The following MAP7D1 variants were observed in gnomAD, a reference collection of about 807,000 sequenced individuals.
The protein encoded by MAP7D1 is MAP7 domain-containing protein 1.
Under a neutral mutation model 97.5 loss-of-function variants are expected in MAP7D1, and 30 were observed. That is an observed-to-expected ratio of 0.31 (90% CI 0.23 to 0.42). MAP7D1 has a LOEUF of 0.42. Among genes scored for constraint, MAP7D1 ranks in the 10% least tolerant of loss-of-function variants. The pLI is 1.00. For missense variants in MAP7D1, 1,184 were observed against 1,179.5 expected, an observed-to-expected ratio of 1.00 and a Z score of -0.06; for synonymous variants, 536 against 477.1, an observed-to-expected ratio of 1.12 and a Z score of -1.61.
chr1:36,157,673 C>T (rs1247827578), intron 1 of MAP7D1, among the ~76,000 whole-genome samples: 1 of 152,222 alleles, frequency 6.6e-6, no homozygotes, highest in African/African-American at 2.4e-5. Flanking sequence ...CCTGTCACCT[C>T]CCTGCCCCTT....
chr1:36,172,515 G>T lies in MAP7D1; in HGVS notation c.512G>T (p.Arg171Leu), dbSNP rs140127558. ...LEKEEKAKAL[R>L]EKQLQERRRR... is the part of the protein sequence containing the mutation. ...AAGGAGGAGAAGGCCAAGGCGCTGC[G>T]GGAGAAGCAGCTCCAGGAGCGCCGG... is the stretch of plus-strand genomic sequence containing the variant. The change falls in exon 4 of 17, where the codon CGG becomes CTG. Residue 171 changes from arginine to leucine, a missense_variant. Transcript: ENST00000474796. The T allele has an allele frequency of 6.2e-7, 1 of 1,602,542 alleles. No individual in the cohort carries two copies.
chr1:36,179,002 C>A lies in MAP7D1; in HGVS notation c.2107C>A (p.Gln703Lys). ...EREKHFQQQEQERQERRKRLE... is the reference protein window; with the variant it reads ...EREKHFQQQEKERQERRKRLE... ...GGAAAAGCACTTCCAGCAGCAGGAG[C>A]AAGAGCGGCAAGAGCGCAGAAAGGT... is the stretch of plus-strand genomic sequence containing the variant. The change falls in exon 12 of 17, where the codon CAA becomes AAA. Residue 703 changes from glutamine to lysine, a missense_variant. Coordinates refer to ENST00000474796, the MANE Select transcript of MAP7D1 (RefSeq NM_001388490.1). 6.8e-7 allele frequency: 1 copy of A among 1,469,196 alleles called. No individual in the cohort carries two copies. Among genetic ancestry groups the A allele is most frequent in the Non-Finnish European group, 9.1e-7 (1 of 1,098,206 alleles). The allele number at this position is 1,469,196 out of a possible 1,614,324, so 91.0% of individuals were successfully genotyped here. A position where few individuals can be genotyped will look rare whatever the true frequency, so the allele number is the denominator to read the frequency against.
chr1:36,177,983 C>T lies in MAP7D1; in HGVS notation c.1490C>T (p.Pro497Leu). Residue 497 changes from proline to leucine, a missense_variant, in exon 9 of 17, where the codon CCC becomes CTC. Pro to Leu is a moderately conservative substitution (Grantham distance 98). Transcript: ENST00000474796. ...GHTLPPKPPS[P>L]RGTTASPKGR... is the part of the protein sequence containing the mutation. ...ACTCTGCCTCCAAAGCCACCGTCCC[C>T]CCGAGGCACCACTGCATCCCCCAAG... 2.5e-6 allele frequency: 4 copies of T among 1,610,662 alleles called. No homozygotes were observed. The highest frequency in any genetic ancestry group is 3.4e-6 in the Non-Finnish European group (4 of 1,177,570).
chr1:36,163,727 G>T (rs760811756), intron 1 of MAP7D1, among the ~76,000 whole-genome samples: 13 of 151,714 alleles, frequency 8.6e-5, no homozygotes, highest in Non-Finnish European at 1.6e-4. Context: ...CCAGGAAGCT[G>T]CCCAAACACT....
intron 1 of MAP7D1, among the ~76,000 whole-genome samples, chr1:36,170,330 C>G (rs974391284): frequency 6.6e-6 from 1 of 152,224 alleles, no homozygotes; most frequent in Admixed American, 6.5e-5. Context: ...TAGCTTGTTG[C>G]CAATGGAATC....
At chr1:36,179,065 G>C in intron 12 of MAP7D1, 40 bp downstream of exon 12, 1 of 1,432,166 alleles carries the variant, frequency 7.0e-7, no homozygotes, top group Non-Finnish European at 9.6e-7. Flanking sequence ...CGGGGCCTGG[G>C]CAGGGCGGGC....
chr1:36,172,181 G>GC (rs149593018), intron 3 of MAP7D1: 5 of 276,746 alleles, frequency 1.8e-5, no homozygotes, highest in Non-Finnish European at 2.7e-5. Context: ...TGTCTGGTAG[G>GC]CCCCCCAGGT....
rs543521561 is a variant in MAP7D1 at position 36,176,829 on chromosome 1, G to A, written c.1366G>A (p.Ala456Thr). Residue 456 changes from alanine to threonine, a missense_variant, in exon 8 of 17, where the codon GCC (alanine) becomes ACC (threonine). By Grantham distance (58) the Ala-to-Thr change is moderately conservative. Transcript: ENST00000474796. This position sits in a 1 kb window ranked among gnomAD's most constrained non-coding sequence, Gnocchi z 6.1. ...ACGTGCCCGCCTCTCTGCCAGCACC[G>A]CCTCTGAGCTCAGGTGGGCGCGGGC... Reference protein sequence around the residue: ...SPRARLSASTASELSPKSKAR... With the variant: ...SPRARLSASTTSELSPKSKAR... 112 of 1,599,384 alleles carry A rather than the reference G, an allele frequency of 7.0e-5. No homozygotes were observed. The Admixed American group carries it at 1.8e-3, about 26-fold the overall frequency.
Position 36,179,538 on chromosome 1 carries a change from C to A in MAP7D1, c.2208C>A (p.Asn736Lys), listed in dbSNP as rs755526568. Residue 736 changes from asparagine (N) to lysine (K), a missense_variant, in exon 14 of 17, where the codon AAC (asparagine) becomes AAA (lysine). Transcript: ENST00000474796. ...AGAAGCAGGACAGCAAGGAGGCCAA[C>A]GCCAACGGTTCCAGCCCAGGTAAAG... ...ETKKQDSKEA[N>K]ANGSSPEPVK... is the part of the protein sequence containing the mutation. 2 of 1,575,188 alleles carry A rather than the reference C, an allele frequency of 1.3e-6. No homozygotes were observed. The highest frequency in any genetic ancestry group is 1.7e-6 in the Non-Finnish European group (2 of 1,159,296).
chr1:36,156,585 A>T (rs2124189892), intron 1 of MAP7D1, 122 bp downstream of exon 1: 1 of 754,354 alleles, frequency 1.3e-6, no homozygotes, highest in East Asian at 3.4e-5. Context: ...ACCACTTGGA[A>T]GTTTAAAAAT....
In MAP7D1 at chr1:36,171,087, A is replaced by G; in HGVS notation, c.163A>G (p.Met55Val). Reference protein sequence around the residue: ...PDTPPDTPPAMKNATSSKQLP... With the variant: ...PDTPPDTPPAVKNATSSKQLP... ...CACTCCCCCGGACACCCCTCCTGCCATGAAGAATGCCACTAGCTCTAAGCA... is the reference window on the plus strand; with the variant it reads ...CACTCCCCCGGACACCCCTCCTGCCGTGAAGAATGCCACTAGCTCTAAGCA... The change falls in exon 2 of 17, where the codon ATG becomes GTG. Residue 55 changes from methionine (M) to valine (V), a missense_variant. Physicochemically the swap from Met to Val is conservative, Grantham distance 21. Coordinates refer to ENST00000474796, the MANE Select transcript of MAP7D1 (RefSeq NM_001388490.1). The G allele has an allele frequency of 7.1e-7, 1 of 1,417,754 alleles. No individual in the cohort carries two copies. The allele number at this position is 1,417,754 out of a possible 1,614,324, so 87.8% of individuals were successfully genotyped here. A position where few individuals can be genotyped will look rare whatever the true frequency, so the allele number is the denominator to read the frequency against.
In MAP7D1 at chr1:36,176,320, G is replaced by C. The variant is rs1409988807; in HGVS notation, c.972G>C (p.Gln324His). Residue 324 changes from glutamine to histidine, a missense_variant, in exon 7 of 17, where the codon CAG (glutamine) becomes CAC (histidine). Gln to His is a conservative substitution (Grantham distance 24, BLOSUM62 0). Coordinates refer to ENST00000474796, the MANE Select transcript of MAP7D1 (RefSeq NM_001388490.1). This position sits in a 1 kb window ranked among gnomAD's most constrained non-coding sequence, Gnocchi z 6.1. ...AVTLPRNGRD[Q>H]GRGCDPGRGP... ...CACTGCCCCGCAACGGCCGGGACCA[G>C]GGTAGGGGCTGCGACCCTGGGAGAG... 1.3e-6 allele frequency: 2 copies of C among 1,548,978 alleles called. No individual in the cohort carries two copies. The highest frequency in any genetic ancestry group is 3.9e-5 in the Admixed American group (2 of 51,572).
In MAP7D1 at chr1:36,158,236, A is replaced by G. The variant is rs573419403; in HGVS notation, c.46+1773A>G. ...GCATTGAGAGGACTCTTCTATACAC[A>G]GGGATCTAGATGGAGTCACATGAGA... On this transcript the variant is annotated intron_variant, in intron 1 of 16. Transcript: ENST00000474796. Among the ~76,000 whole-genome samples, 11 of 152,154 alleles carry G rather than the reference A, an allele frequency of 7.2e-5. No individual in the cohort carries two copies. In the South Asian group the frequency reaches 2.1e-3, roughly 29 times the overall value.
Position 36,180,597 on chromosome 1 carries a change from T to G in MAP7D1, c.*339T>G. 5.4e-6 allele frequency: 2 copies of G among 371,146 alleles called. No homozygotes were observed. The highest frequency in any genetic ancestry group is 6.2e-5 in the East Asian group (1 of 16,090). 23.0% of individuals were successfully genotyped at this position (371,146 alleles called of 1,614,324 possible). On this transcript the variant is annotated 3_prime_UTR_variant, in exon 17 of 17. Coordinates refer to ENST00000474796, the MANE Select transcript of MAP7D1 (RefSeq NM_001388490.1). ...GTACAGTGGATGTGAATACTGTAAA[T>G]AGCTTGTGCTCAGACTCCTCTGCGT...
chr1:36,164,949 C>T (rs1427651608), intron 1 of MAP7D1, among the ~76,000 whole-genome samples: 1 of 152,092 alleles, frequency 6.6e-6, no homozygotes, highest in Admixed American at 6.5e-5. Flanking sequence ...CTCTGTTGGC[C>T]CTAGAGATAG....
In MAP7D1 at chr1:36,180,455, CGTGT is replaced by C. The variant is rs1292445040; in HGVS notation, c.*199_*202del. On this transcript the variant is annotated 3_prime_UTR_variant, in exon 17 of 17. Coordinates refer to ENST00000474796, the MANE Select transcript of MAP7D1 (RefSeq NM_001388490.1). Reference sequence around the variant, plus strand: ...AGCCAGATCTGCCCCTCAGTGCATTCGTGTGCTCGCACGCGCAGACATCCCTTCT... The same window carrying C: ...AGCCAGATCTGCCCCTCAGTGCATTCGCTCGCACGCGCAGACATCCCTTCT... The C allele has an allele frequency of 1.4e-6, 1 of 690,104 alleles. No individual in the cohort carries two copies. Among genetic ancestry groups the C allele is most frequent in the African/African-American group, 1.8e-5 (1 of 55,952 alleles). The allele number at this position is 690,104 out of a possible 1,614,324, so 42.7% of individuals were successfully genotyped here.
chr1:36,162,753 G>A (rs1295831383), intron 1 of MAP7D1, among the ~76,000 whole-genome samples: 1 of 152,102 alleles, frequency 6.6e-6, no homozygotes, highest in Admixed American at 6.5e-5. Flanking sequence ...CTAAGCTTTG[G>A]AGCAGCTTGA....
At position 36,176,602 on chromosome 1, in the gene MAP7D1, G is replaced by T; in HGVS notation, c.1233+21G>T. On this transcript the variant is annotated intron_variant, in intron 7 of 16. Transcript: ENST00000474796. The surrounding 1 kb of genome is among the most constrained non-coding windows in gnomAD (Gnocchi z 6.1). ...CGCCGGTGAGTGGCTCTACTGGCTCGAGTGGCCGCGCAGGTGGGGACAGGC... is the reference window on the plus strand; with the variant it reads ...CGCCGGTGAGTGGCTCTACTGGCTCTAGTGGCCGCGCAGGTGGGGACAGGC... 2.0e-6 allele frequency: 3 copies of T among 1,531,156 alleles called. No individual in the cohort carries two copies. The highest frequency in any genetic ancestry group is 2.0e-5 in the Admixed American group (1 of 51,170). 94.8% of individuals were successfully genotyped at this position (1,531,156 alleles called of 1,614,324 possible).
rs774992947 is a variant in MAP7D1, at chr1:36,178,094, G to C, written c.1601G>C (p.Ser534Thr). 3.1e-6 allele frequency: 5 copies of C among 1,603,276 alleles called. No individual in the cohort carries two copies. Among genetic ancestry groups the C allele is most frequent in the Non-Finnish European group, 3.4e-6 (4 of 1,175,570 alleles). The change falls in exon 9 of 17, where the codon AGT becomes ACT. Residue 534 changes from serine (S) to threonine (T), a missense_variant. By Grantham distance (58) the Ser-to-Thr change is moderately conservative. Coordinates refer to ENST00000474796, the MANE Select transcript of MAP7D1 (RefSeq NM_001388490.1). ...AAGAGCCAGAGCAAGCGCAGGGCCAGTAACGAGAAGGAGTCAGCAGCCCCA... is the reference window on the plus strand; with the variant it reads ...AAGAGCCAGAGCAAGCGCAGGGCCACTAACGAGAAGGAGTCAGCAGCCCCA... ...EDKSQSKRRASNEKESAAPAS... is the reference protein window; with the variant it reads ...EDKSQSKRRATNEKESAAPAS...
Sources: allele counts gnomAD v4.1 joint callset (sites outside exome capture counted in the v4.1 genomes callset), GRCh38; gene constraint gnomAD v4.1.1; non-coding constraint Gnocchi (gnomAD v3.1); transcripts MANE v1.5; gene names NCBI Gene and HGNC (gene_info 2026-07-23, HGNC 2026-07-21).